Variants in BCL3 observed in about 807,000 individuals in gnomAD.
BCL3 encodes the protein BCL3 transcription coactivator.
Under a neutral mutation model 35.7 loss-of-function variants are expected in BCL3, and 15 were observed. That is an observed-to-expected ratio of 0.42 (90% CI 0.28 to 0.65). BCL3 has a LOEUF of 0.65. Among genes scored for constraint, BCL3 ranks in the 30% least tolerant of loss-of-function variants. The pLI, the probability that BCL3 is intolerant of heterozygous loss-of-function variation, is 0.22. For missense variants in BCL3, 565 were observed against 641.7 expected (o/e 0.88, Z 1.29); for synonymous variants, 311 against 284.3 (o/e 1.09, Z -0.95).
intron 1 of BCL3, among the ~76,000 whole-genome samples, chr19:44,749,565 C>T (rs1967138173): frequency 6.6e-6 from 1 of 152,044 alleles, no homozygotes; most frequent in Admixed American, 6.6e-5. Context: ...TATCTGGAGA[C>T]ATGGGCATTA....
chr19:44,758,463 G>T, intron 7 of BCL3, 50 bp downstream of exon 7: 2 of 1,511,120 alleles, frequency 1.3e-6, no homozygotes, highest in Non-Finnish European at 8.9e-7. Context: ...GTGTCCGCGG[G>T]CTGGTTGCAG....
In BCL3 at chr19:44,751,148, A is replaced by T. The variant is rs1292366219; in HGVS notation, c.257-79A>T. 42 of 1,529,708 alleles carry T rather than the reference A, an allele frequency of 2.7e-5. No homozygotes were observed. The East Asian group carries it at 1.1e-3, about 38-fold the overall frequency. 94.8% of individuals were successfully genotyped at this position (1,529,708 alleles called of 1,614,324 possible). A position where few individuals can be genotyped will look rare whatever the true frequency, so the allele number is the denominator to read the frequency against. On this transcript the variant is annotated intron_variant, in intron 1 of 8. Transcript: ENST00000164227. ...AGGGCAGGTGACACCACAGGAGCAA[A>T]GTTTTAGAAGTGGGGGGCGGGTTGA...
chr19:44,754,276 T>C (rs1273075011), intron 2 of BCL3, among the ~76,000 whole-genome samples: 7 of 152,154 alleles, frequency 4.6e-5, no homozygotes, highest in Admixed American at 4.6e-4. Flanking sequence ...GAGCCTGAGC[T>C]CTGCGGGGTG....
chr19:44,756,346 G>T lies in BCL3; in HGVS notation c.519+6G>T. 4 of 1,480,170 alleles carry T rather than the reference G, an allele frequency of 2.7e-6. No homozygotes were observed. The highest frequency in any genetic ancestry group is 1.4e-5 in the South Asian group (1 of 72,606). 91.7% of individuals were successfully genotyped at this position (1,480,170 alleles called of 1,614,324 possible). A position where few individuals can be genotyped will look rare whatever the true frequency, so the allele number is the denominator to read the frequency against. On this transcript the variant is annotated splice_donor_region_variant and intron_variant, in intron 3 of 8. Coordinates refer to ENST00000164227, the MANE Select transcript of BCL3 (RefSeq NM_005178.5). ...TCTACAACAACCTACGGCAGGTGAG[G>T]CTCGGTCTGAGGGAGGAGGGCTGGG...
intron 1 of BCL3, among the ~76,000 whole-genome samples, chr19:44,749,609 AT>A (rs778018805): frequency 6.6e-5 from 10 of 152,218 alleles, no homozygotes; most frequent in Non-Finnish European, 1.3e-4. Flanking sequence ...GCACCCCAAT[AT>A]CTGGGATCAC....
intron 3 of BCL3, among the ~76,000 whole-genome samples, chr19:44,756,700 T>A (rs568958287): frequency 2.6e-4 from 39 of 148,686 alleles, no homozygotes; most frequent in Non-Finnish European, 5.1e-4. Flanking sequence ...TCCTGGTTCC[T>A]GGGGAAGAAG....
intron 1 of BCL3, among the ~76,000 whole-genome samples, chr19:44,749,411 G>A (rs537514067): frequency 9.9e-5 from 15 of 151,990 alleles, no homozygotes; most frequent in African/African-American, 2.9e-4. Context: ...GTAGCGTTAT[G>A]AGGAAGCTGA....
At chr19:44,749,221 G>C (rs1396100275) in intron 1 of BCL3, among the ~76,000 whole-genome samples, 175 bp downstream of exon 1, 1 of 150,850 alleles carries the variant, frequency 6.6e-6, no homozygotes, top group Non-Finnish European at 1.5e-5. Flanking sequence ...GAGCCAGTAA[G>C]CTGTGCCTTG....
At chr19:44,751,485 C>A in intron 2 of BCL3, 105 bp downstream of exon 2, 1 of 1,233,258 alleles carries the variant, frequency 8.1e-7, no homozygotes, top group Non-Finnish European at 1.1e-6. Context: ...ACTCGGTCTC[C>A]ACCACAGGCT....
intron 1 of BCL3, 28 bp downstream of exon 1, chr19:44,749,074 G>T: frequency 8.0e-7 from 1 of 1,243,244 alleles, no homozygotes; most frequent in Non-Finnish European, 1.0e-6. Flanking sequence ...GTCCGGGCCG[G>T]GTGGGATCCA....
chr19:44,755,791 A>T (rs577835409), intron 2 of BCL3, among the ~76,000 whole-genome samples: 1 of 152,110 alleles, frequency 6.6e-6, no homozygotes, highest in Non-Finnish European at 1.5e-5. Context: ...GATGGCACAC[A>T]TCTGTAATCC....
At chr19:44,758,873 C>A (rs371088948) in intron 8 of BCL3, 32 bp downstream of exon 8, 49 of 1,515,128 alleles carry the variant, frequency 3.2e-5, no homozygotes, top group Non-Finnish European at 4.3e-5. Flanking sequence ...CCAGCCCTGG[C>A]GCCTCCTCCC....
At chr19:44,748,638 G>T, upstream of BCL3, 1 of 959,968 alleles carries the variant, frequency 1.0e-6, no homozygotes, top group Non-Finnish European at 1.3e-6. Context: ...CCCCGGGGGG[G>T]CCGGGGGCGG....
Position 44,758,827 on chromosome 19 carries a change from G to A in BCL3, c.1163G>A (p.Arg388His), listed in dbSNP as rs775777776. Residue 388 changes from arginine to histidine, a missense_variant, in exon 8 of 9, where the codon CGC becomes CAC. Physicochemically the swap from Arg to His is conservative, Grantham distance 29 (BLOSUM62 0). Coordinates refer to ENST00000164227, the MANE Select transcript of BCL3 (RefSeq NM_005178.5). ...SANTSPESSS[R>H]LSSNGLLSAS... ...AACACCTCCCCCGAGAGCAGCAGCC[G>A]CCTCAGCTCCAATGGTGAGAAACCG... The A allele has an allele frequency of 3.3e-5, 52 of 1,597,854 alleles. No individual in the cohort carries two copies. The highest frequency in any genetic ancestry group is 1.7e-4 in the Middle Eastern group (1 of 5,996).
At chr19:44,748,358 G>A (rs1967104926), upstream of BCL3, among the ~76,000 whole-genome samples, 1 of 152,108 alleles carries the variant, frequency 6.6e-6, no homozygotes, top group Non-Finnish European at 1.5e-5. Context: ...AGATAGAGAT[G>A]TTGAGAGATA....
At chr19:44,750,574 G>C (rs1166679201) in intron 1 of BCL3, among the ~76,000 whole-genome samples, 1 of 152,140 alleles carries the variant, frequency 6.6e-6, no homozygotes, top group African/African-American at 2.4e-5. Flanking sequence ...ATTGGTATTA[G>C]AGGCATGAGC....
chr19:44,757,049 A>T lies in BCL3; in HGVS notation c.552A>T (p.Leu184Phe). 6.2e-7 allele frequency: 1 copy of T among 1,611,120 alleles called. No individual in the cohort carries two copies. ...TPLHLAVITTLPSVVRLLVTA... is the reference protein window; with the variant it reads ...TPLHLAVITTFPSVVRLLVTA... ...TCCACCTGGCTGTGATCACCACATT[A>T]CCGTCTGTGGTCCGGCTCCTGGTGA... Residue 184 changes from leucine to phenylalanine, a missense_variant, in exon 4 of 9, where the codon TTA becomes TTT. Coordinates refer to ENST00000164227, the MANE Select transcript of BCL3 (RefSeq NM_005178.5). The surrounding 1 kb of genome is among the most constrained non-coding windows in gnomAD (Gnocchi z 8.4).
rs778693221 is a variant in BCL3, at chr19:44,759,467, C to T, written c.1217C>T (p.Ser406Phe). 4 of 1,611,966 alleles carry T rather than the reference C, an allele frequency of 2.5e-6. No individual in the cohort carries two copies. In the South Asian group the frequency reaches 4.4e-5, roughly 18 times the overall value. Residue 406 changes from serine to phenylalanine, a missense_variant, in exon 9 of 9, where the codon TCT becomes TTT. Ser to Phe is a radical substitution (Grantham distance 155). Coordinates refer to ENST00000164227, the MANE Select transcript of BCL3 (RefSeq NM_005178.5). ...SASPSSSPSQ[S>F]PPRDPPGFPM... ...TCACCATCCTCCTCACCCTCCCAGTCTCCCCCCAGGGACCCCCCTGGATTC... is the reference window on the plus strand; with the variant it reads ...TCACCATCCTCCTCACCCTCCCAGTTTCCCCCCAGGGACCCCCCTGGATTC...
Position 44,757,002 on chromosome 19 carries a change from G to A in BCL3, c.520-15G>A, listed in dbSNP as rs1967301943. 3 of 1,588,780 alleles carry A rather than the reference G, an allele frequency of 1.9e-6. No individual in the cohort carries two copies. Among genetic ancestry groups the A allele is most frequent in the Non-Finnish European group, 2.6e-6 (3 of 1,163,100 alleles). On this transcript the variant is annotated splice_polypyrimidine_tract_variant and intron_variant, in intron 3 of 8. Transcript: ENST00000164227. This position sits in a 1 kb window ranked among gnomAD's most constrained non-coding sequence, Gnocchi z 8.4. ...CAGGGCTGGACACAGGTCCCTCACA[G>A]TCACTGTTCCCCAGACACCGCTCCA...
Sources: allele counts gnomAD v4.1 joint callset (sites outside exome capture counted in the v4.1 genomes callset), GRCh38; gene constraint gnomAD v4.1.1; non-coding constraint Gnocchi (gnomAD v3.1); transcripts MANE v1.5; gene names NCBI Gene and HGNC (gene_info 2026-07-23, HGNC 2026-07-21).